Variants in FBXO11 observed in about 807,000 individuals in gnomAD.
The protein encoded by FBXO11 is F-box only protein 11.
In FBXO11, 13 loss-of-function variants were observed where a neutral mutation model predicts 117.0. The ratio of observed to expected loss-of-function variants is 0.11; its 90% CI spans 0.07 to 0.18. FBXO11 has a LOEUF of 0.18. Among genes scored for constraint, FBXO11 ranks in the 10% least tolerant of loss-of-function variants. FBXO11 has a pLI of 1.00. For missense variants in FBXO11, 767 were observed against 1,164.4 expected, an observed-to-expected ratio of 0.66 and a Z score of 4.97; for synonymous variants, 490 against 380.5, an observed-to-expected ratio of 1.29 and a Z score of -3.35.
At chr2:47,900,308 C>T (rs865894662) in intron 1 of FBXO11, among the ~76,000 whole-genome samples, 1 of 152,162 alleles carries the variant, frequency 6.6e-6, no homozygotes, top group African/African-American at 2.4e-5. Context: ...GGGTTAGCCA[C>T]CAGATGACAG....
chr2:47,819,149 TTA>T, intron 14 of FBXO11, 71 bp from the exon 15 acceptor site: 1 of 1,457,300 alleles, frequency 6.9e-7, no homozygotes, highest in Non-Finnish European at 9.2e-7. Flanking sequence ...GTTACCCCCT[TTA>T]TAGACAGTTA....
In FBXO11 at chr2:47,819,183, T is replaced by C. The variant is rs1671207675; in HGVS notation, c.1798-105A>G. 2.0e-5 allele frequency: 23 copies of C among 1,124,468 alleles called. No individual in the cohort carries two copies. The South Asian group carries it at 3.3e-4, about 16-fold the overall frequency. 69.7% of individuals were successfully genotyped at this position (1,124,468 alleles called of 1,614,324 possible). A position where few individuals can be genotyped will look rare whatever the true frequency, so the allele number is the denominator to read the frequency against. On this transcript the variant is annotated intron_variant, in intron 14 of 22. Transcript: ENST00000403359. Reference sequence around the variant, plus strand: ...GTTAAAAAATTTTCCATTTTTGTTTTTTCATCCGAGTAAGGAGGTAATGGC... The same window carrying C: ...GTTAAAAAATTTTCCATTTTTGTTTCTTCATCCGAGTAAGGAGGTAATGGC...
chr2:47,877,068 TC>T (rs1676059918), intron 1 of FBXO11, among the ~76,000 whole-genome samples: 1 of 151,728 alleles, frequency 6.6e-6, no homozygotes, highest in African/African-American at 2.4e-5. Context: ...AGGGTCTTGC[TC>T]TGTTGCCCTG....
At chr2:47,904,294 C>T (rs1678560725) in intron 1 of FBXO11, among the ~76,000 whole-genome samples, 2 of 152,170 alleles carry the variant, frequency 1.3e-5, no homozygotes, top group African/African-American at 4.8e-5. Flanking sequence ...AAAACAACAA[C>T]CGTACACATA....
chr2:47,878,468 T>C (rs1171227256), intron 1 of FBXO11, among the ~76,000 whole-genome samples: 1 of 151,944 alleles, frequency 6.6e-6, no homozygotes, highest in Non-Finnish European at 1.5e-5. Context: ...GCAATTCTCC[T>C]GCCTCAGCCT....
chr2:47,813,247 A>G lies in FBXO11; in HGVS notation c.2214T>C (p.Phe738=). ...HDGRDGGICI[F]NGGRGLLEEN... Reference sequence around the variant, plus strand: ...TAACAACAATACCTCGACCCCCATTAAATATACAGATGCCACCATCTCTTC... The same window carrying G: ...TAACAACAATACCTCGACCCCCATTGAATATACAGATGCCACCATCTCTTC... The change falls in exon 18 of 23, where the codon TTT becomes TTC. Residue 738 remains phenylalanine (F), a synonymous_variant. Coordinates refer to ENST00000403359, the MANE Select transcript of FBXO11 (RefSeq NM_001190274.2). 6.2e-7 allele frequency: 1 copy of G among 1,613,596 alleles called. No homozygotes were observed. Among genetic ancestry groups the G allele is most frequent in the Non-Finnish European group, 8.5e-7 (1 of 1,179,700 alleles).
At chr2:47,871,487 A>T (rs1325026462) in intron 1 of FBXO11, among the ~76,000 whole-genome samples, 1 of 152,178 alleles carries the variant, frequency 6.6e-6, no homozygotes, top group African/African-American at 2.4e-5. Flanking sequence ...AACTAAATGC[A>T]TTCATTCAGT....
intron 3 of FBXO11, 69 bp downstream of exon 3, chr2:47,839,350 A>G: frequency 7.1e-7 from 1 of 1,409,634 alleles, no homozygotes; most frequent in Non-Finnish European, 9.8e-7. Flanking sequence ...CTTAATTTTC[A>G]TTTTTTGGTA....
chr2:47,821,721 G>A (rs1447854128), intron 13 of FBXO11, among the ~76,000 whole-genome samples: 5 of 152,102 alleles, frequency 3.3e-5, no homozygotes, highest in African/African-American at 1.2e-4. Context: ...GGAGGCAGGG[G>A]TTGCTGTGAG....
intron 1 of FBXO11, among the ~76,000 whole-genome samples, chr2:47,868,588 A>C (rs1558458211): frequency 6.6e-6 from 1 of 152,126 alleles, no homozygotes; most frequent in Admixed American, 6.5e-5. Context: ...CCCACATTCC[A>C]TATTTTTGTT....
chr2:47,820,937 G>A (rs1166704904), intron 13 of FBXO11, among the ~76,000 whole-genome samples: 1 of 152,184 alleles, frequency 6.6e-6, no homozygotes, highest in African/African-American at 2.4e-5. Flanking sequence ...TTGGTGTCTG[G>A]CACACAGATA....
chr2:47,822,306 A>G lies in FBXO11; in HGVS notation c.1617-3T>C, dbSNP rs1481067821. 1 of 1,555,534 alleles carries G rather than the reference A, an allele frequency of 6.4e-7. No homozygotes were observed. Among genetic ancestry groups the G allele is most frequent in the Non-Finnish European group, 8.7e-7 (1 of 1,143,162 alleles). ...TTCCATTAAATATAGAATTTCCCCT[A>G]TAATTATGCGAAATAAAAAAAAAGA... On this transcript the variant is annotated splice_region_variant and splice_polypyrimidine_tract_variant and intron_variant, in intron 12 of 22. Transcript: ENST00000403359.
At chr2:47,881,332 T>C (rs1376133274) in intron 1 of FBXO11, among the ~76,000 whole-genome samples, 2 of 152,212 alleles carry the variant, frequency 1.3e-5, no homozygotes, top group East Asian at 1.9e-4. Flanking sequence ...GAATTTTTTT[T>C]CACTAAATGA....
intron 1 of FBXO11, among the ~76,000 whole-genome samples, chr2:47,851,032 A>G (rs543425310): frequency 7.2e-5 from 11 of 152,354 alleles, no homozygotes; most frequent in South Asian, 2.1e-4. Flanking sequence ...AAAATACTTA[A>G]GTTCAATCCA....
intron 16 of FBXO11, among the ~76,000 whole-genome samples, chr2:47,814,957 G>A (rs1484202697): frequency 6.6e-6 from 1 of 152,152 alleles, no homozygotes; most frequent in Non-Finnish European, 1.5e-5. Flanking sequence ...TCATCCGTAA[G>A]AAGCAACTCC....
chr2:47,821,599 G>C (rs975435778), intron 13 of FBXO11, among the ~76,000 whole-genome samples: 5 of 149,202 alleles, frequency 3.4e-5, no homozygotes, highest in African/African-American at 7.4e-5. Flanking sequence ...GATAGAGAGA[G>C]ACTCCGTCTC....
Position 47,875,951 on chromosome 2 carries a change from A to C in FBXO11, c.232+29538T>G, listed in dbSNP as rs184917178. Among the ~76,000 whole-genome samples, 77 of 152,352 alleles carry C rather than the reference A, an allele frequency of 5.1e-4. No homozygotes were observed. The East Asian group carries it at 0.015, about 29-fold the overall frequency. Reference sequence around the variant, plus strand: ...CAGCAGCAGCAAACATGTATAGAGTAGTACTAATCAGTGGCTTTATATGTA... The same window carrying C: ...CAGCAGCAGCAAACATGTATAGAGTCGTACTAATCAGTGGCTTTATATGTA... On this transcript the variant is annotated intron_variant, in intron 1 of 22. Coordinates refer to ENST00000403359, the MANE Select transcript of FBXO11 (RefSeq NM_001190274.2).
At chr2:47,884,758 A>G (rs1177496911) in intron 1 of FBXO11, among the ~76,000 whole-genome samples, 2 of 152,222 alleles carry the variant, frequency 1.3e-5, no homozygotes, top group Non-Finnish European at 2.9e-5. Context: ...TTGATGCATT[A>G]TAATTTAGTA....
rs868571219 is a variant in FBXO11 at position 47,905,900 on chromosome 2, C to T, written c.-180G>A. On this transcript the variant is annotated 5_prime_UTR_variant, in exon 1 of 23. Transcript: ENST00000403359. ...GCGGGACCCCGAGTCCGGAGAAAGG[C>T]CCGGGTAGACAGACGGAGACCGAGC... 1.1e-3 allele frequency: 752 copies of T among 670,666 alleles called. 1 individual carries two copies. The highest frequency in any genetic ancestry group is 3.1e-3 in the Middle Eastern group (7 of 2,238). The allele number at this position is 670,666 out of a possible 1,614,324, so 41.5% of individuals were successfully genotyped here.
Sources: allele counts gnomAD v4.1 joint callset (sites outside exome capture counted in the v4.1 genomes callset), GRCh38; gene constraint gnomAD v4.1.1; transcripts MANE v1.5; gene names NCBI Gene and HGNC (gene_info 2026-07-23, HGNC 2026-07-21).